Variants in GUCA2B observed in about 807,000 individuals in gnomAD.
GUCA2B encodes the protein guanylate cyclase activator 2B.
Under a neutral mutation model 11.1 loss-of-function variants are expected in GUCA2B, and 7 were observed. That is an observed-to-expected ratio of 0.63 (90% CI 0.36 to 1.18). GUCA2B has a LOEUF of 1.18. GUCA2B is among the 50% of genes most tolerant of loss of function. The pLI is 0.02. For synonymous variants in GUCA2B, 69 were observed against 65.3 expected (o/e 1.06, Z -0.27); for missense variants, 140 against 142.5 (o/e 0.98, Z 0.09).
At position 42,153,471 on chromosome 1, in the gene GUCA2B, A is replaced by C. The variant is rs769646945; in HGVS notation, c.21A>C (p.Ser7=). The C allele has an allele frequency of 1.2e-6, 2 of 1,612,092 alleles. No homozygotes were observed. Among genetic ancestry groups the C allele is most frequent in the South Asian group, 1.1e-5 (1 of 91,060 alleles). The change falls in exon 1 of 3, where the codon TCA becomes TCC. Residue 7 remains serine (S), a synonymous_variant. Coordinates refer to ENST00000372581, the MANE Select transcript of GUCA2B (RefSeq NM_007102.3). ...GCGCGATGGGCTGCAGGGCTGCATC[A>C]GGGCTCCTGCCAGGAGTGGCCGTGG... MGCRAA[S]GLLPGVAVVL...
At chr1:42,153,605 G>A in intron 1 of GUCA2B, 65 bp downstream of exon 1, 1 of 1,184,814 alleles carries the variant, frequency 8.4e-7, no homozygotes, top group Non-Finnish European at 1.2e-6. Context: ...AGGCTGGAGA[G>A]GGTGTACTGG....
At chr1:42,154,969 G>T in intron 2 of GUCA2B, 103 bp downstream of exon 2, 1 of 883,612 alleles carries the variant, frequency 1.1e-6, no homozygotes. Flanking sequence ...TGAGGATGGG[G>T]AGATTCAAGT....
chr1:42,153,563 C>T, intron 1 of GUCA2B, 23 bp downstream of exon 1: 1 of 1,551,756 alleles, frequency 6.4e-7, no homozygotes, highest in Non-Finnish European at 8.9e-7. Context: ...GCCAGCGTTC[C>T]CTTTGCCTGA....
rs182890777 is a variant in GUCA2B, at chr1:42,155,672, G to A, written c.*76G>A. The stretch of plus-strand genomic sequence containing the variant: ...ACCACCCTGGCAGGCTTCCATCCCC[G>A]TCCATGCTCAAGATGGGTCCCTGGC... On this transcript the variant is annotated 3_prime_UTR_variant, in exon 3 of 3. Coordinates refer to ENST00000372581, the MANE Select transcript of GUCA2B (RefSeq NM_007102.3). The A allele has an allele frequency of 6.5e-5, 74 of 1,142,334 alleles. No individual in the cohort carries two copies. Among genetic ancestry groups the A allele is most frequent in the Admixed American group, 5.1e-4 (30 of 59,324 alleles). The allele number at this position is 1,142,334 out of a possible 1,614,324, so 70.8% of individuals were successfully genotyped here. A position where few individuals can be genotyped will look rare whatever the true frequency, so the allele number is the denominator to read the frequency against.
chr1:42,154,216 G>A (rs1228493076), intron 1 of GUCA2B, among the ~76,000 whole-genome samples: 1 of 152,172 alleles, frequency 6.6e-6, no homozygotes, highest in African/African-American at 2.4e-5. Flanking sequence ...GTCTCCTTGG[G>A]AAGAACAAAG....
Position 42,155,528 on chromosome 1 carries a change from T to C in GUCA2B, c.278-7T>C. The C allele has an allele frequency of 6.2e-7, 1 of 1,613,282 alleles. No individual in the cohort carries two copies. The highest frequency in any genetic ancestry group is 1.1e-5 in the South Asian group (1 of 91,068). ...CAGGTCAACTGACCAGTTCTCTCCC[T>C]GCCCAGGGACCATCGCTAACGACGA... On this transcript the variant is annotated splice_region_variant and splice_polypyrimidine_tract_variant and intron_variant, in intron 2 of 2. Coordinates refer to ENST00000372581, the MANE Select transcript of GUCA2B (RefSeq NM_007102.3).
At chr1:42,154,530 G>A (rs1449885730) in intron 1 of GUCA2B, 150 bp from the exon 2 acceptor site, 2 of 671,310 alleles carry the variant, frequency 3.0e-6, no homozygotes, top group African/African-American at 3.6e-5. Flanking sequence ...TCTCACCGCA[G>A]CGGCTCTTTC....
rs746452462 is a variant in GUCA2B, at chr1:42,154,740, T to C, written c.151T>C (p.Trp51Arg). The C allele has an allele frequency of 6.1e-5, 98 of 1,613,906 alleles. No homozygotes were observed. The highest frequency in any genetic ancestry group is 8.3e-5 in the Non-Finnish European group (98 of 1,179,892). The change falls in exon 2 of 3, where the codon TGG becomes CGG. Residue 51 changes from tryptophan (W) to arginine (R), a missense_variant. Coordinates refer to ENST00000372581, the MANE Select transcript of GUCA2B (RefSeq NM_007102.3). Reference sequence around the variant, plus strand: ...GAAGCTGAGTGACCTGGAGGCACAGTGGGCACCCAGCCCCCGCCTGCAGGC... The same window carrying C: ...GAAGCTGAGTGACCTGGAGGCACAGCGGGCACCCAGCCCCCGCCTGCAGGC... ...MKKLSDLEAQ[W>R]APSPRLQAQS...
chr1:42,155,366 C>T (rs552369074), intron 2 of GUCA2B, among the ~76,000 whole-genome samples, 169 bp from the exon 3 acceptor site: 1 of 152,156 alleles, frequency 6.6e-6, no homozygotes, highest in Admixed American at 6.5e-5. Context: ...GCCCAGTGGC[C>T]GCTAGGAAGG....
intron 2 of GUCA2B, among the ~76,000 whole-genome samples, 194 bp downstream of exon 2, chr1:42,155,060 C>A (rs574535804): frequency 3.8e-4 from 58 of 152,198 alleles, no homozygotes; most frequent in Non-Finnish European, 7.8e-4. Context: ...CCTGCTTCGT[C>A]CCCTTAGTCC....
Position 42,155,627 on chromosome 1 carries a change from G to T in GUCA2B, c.*31G>T, listed in dbSNP as rs1379667311. The T allele has an allele frequency of 6.4e-7, 1 of 1,561,230 alleles. No individual in the cohort carries two copies. The highest frequency in any genetic ancestry group is 1.7e-5 in the Admixed American group (1 of 59,978). ...CCCTGGGTACCCTGAGCCCACCAGG[G>T]ACACCTCGCCCTTCAGCCCACCACC... is the stretch of plus-strand genomic sequence containing the variant. On this transcript the variant is annotated 3_prime_UTR_variant, in exon 3 of 3. Coordinates refer to ENST00000372581, the MANE Select transcript of GUCA2B (RefSeq NM_007102.3).
In GUCA2B at chr1:42,155,634, C is replaced by A; in HGVS notation, c.*38C>A. 1.3e-6 allele frequency: 2 copies of A among 1,493,190 alleles called. No homozygotes were observed. Among genetic ancestry groups the A allele is most frequent in the Non-Finnish European group, 1.9e-6 (2 of 1,069,426 alleles). The allele number at this position is 1,493,190 out of a possible 1,614,324, so 92.5% of individuals were successfully genotyped here. A position where few individuals can be genotyped will look rare whatever the true frequency, so the allele number is the denominator to read the frequency against. On this transcript the variant is annotated 3_prime_UTR_variant, in exon 3 of 3. Coordinates refer to ENST00000372581, the MANE Select transcript of GUCA2B (RefSeq NM_007102.3). Reference sequence around the variant, plus strand: ...TACCCTGAGCCCACCAGGGACACCTCGCCCTTCAGCCCACCACCCTGGCAG... The same window carrying A: ...TACCCTGAGCCCACCAGGGACACCTAGCCCTTCAGCCCACCACCCTGGCAG...
intron 1 of GUCA2B, 25 bp downstream of exon 1, chr1:42,153,565 T>G: frequency 6.5e-7 from 1 of 1,541,408 alleles, no homozygotes; most frequent in Non-Finnish European, 9.0e-7. Context: ...CAGCGTTCCC[T>G]TTGCCTGAAG....
rs374950664 is a variant in GUCA2B, at chr1:42,153,417, G to C, written c.-34G>C. On this transcript the variant is annotated 5_prime_UTR_variant, in exon 1 of 3. Transcript: ENST00000372581. ...CTAGGCAGGGACACAGATGGGAGAC[G>C]GTGGACAGCGGCAGGGGGAACCCAG... The C allele has an allele frequency of 9.4e-6, 14 of 1,490,572 alleles. No homozygotes were observed. In the Admixed American group the frequency reaches 2.0e-4, roughly 21 times the overall value. The allele number at this position is 1,490,572 out of a possible 1,614,324, so 92.3% of individuals were successfully genotyped here.
intron 1 of GUCA2B, 140 bp downstream of exon 1, chr1:42,153,680 G>C: frequency 1.6e-6 from 1 of 626,474 alleles, no homozygotes; most frequent in Non-Finnish European, 2.8e-6. Flanking sequence ...TCACAGCCCA[G>C]AGACCAAGGC....
Position 42,155,578 on chromosome 1 carries a change from G to T in GUCA2B, c.321G>T (p.Ala107=). 1 of 1,613,932 alleles carries T rather than the reference G, an allele frequency of 6.2e-7. No homozygotes were observed. Among genetic ancestry groups the T allele is most frequent in the African/African-American group, 1.3e-5 (1 of 75,038 alleles). Reference sequence around the variant, plus strand: ...ACTGTGAGCTGTGTGTGAACGTTGCGTGTACCGGCTGCCTCTGAGATAGCC... The same window carrying T: ...ACTGTGAGCTGTGTGTGAACGTTGCTTGTACCGGCTGCCTCTGAGATAGCC... The part of the protein sequence containing the change: ...NDDCELCVNV[A]CTGCL Residue 107 remains alanine (A), a synonymous_variant, in exon 3 of 3, where the codon GCG becomes GCT. Coordinates refer to ENST00000372581, the MANE Select transcript of GUCA2B (RefSeq NM_007102.3).
rs538631184 is a variant in GUCA2B at position 42,155,708 on chromosome 1, A to G, written c.*112A>G. ...AGATGGGTCCCTGGCCACCATGGTC[A>G]TCACCACCCTTCCAGGGCCTGAGCA... On this transcript the variant is annotated 3_prime_UTR_variant, in exon 3 of 3. Transcript: ENST00000372581. 7.2e-6 allele frequency: 6 copies of G among 832,978 alleles called. No homozygotes were observed. The Admixed American group carries it at 1.1e-4, about 15-fold the overall frequency. 51.6% of individuals were successfully genotyped at this position (832,978 alleles called of 1,614,324 possible).
chr1:42,154,805 G>A lies in GUCA2B; in HGVS notation c.216G>A (p.Leu72=). ...CCGCCGTGTGCCACCACCCTGCTCT[G>A]CCTCAGGACCTTCAGCCTGTCTGCG... The part of the protein sequence containing the change: ...LLPAVCHHPA[L]PQDLQPVCAS... The change falls in exon 2 of 3, where the codon CTG becomes CTA. Residue 72 remains leucine (L), a synonymous_variant. Coordinates refer to ENST00000372581, the MANE Select transcript of GUCA2B (RefSeq NM_007102.3). 2.5e-6 allele frequency: 4 copies of A among 1,614,108 alleles called. No individual in the cohort carries two copies. The highest frequency in any genetic ancestry group is 1.3e-5 in the African/African-American group (1 of 75,070).
At chr1:42,153,694 T>C (rs1431139701) in intron 1 of GUCA2B, among the ~76,000 whole-genome samples, 154 bp downstream of exon 1, 1 of 152,162 alleles carries the variant, frequency 6.6e-6, no homozygotes, top group Non-Finnish European at 1.5e-5. Flanking sequence ...CCAAGGCAGC[T>C]GGTGGGTGGG....
Sources: gnomAD v4.1 joint callset for allele counts (sites outside exome capture counted in the v4.1 genomes callset) on GRCh38, gnomAD v4.1.1 for gene constraint, MANE v1.5 for transcripts, NCBI Gene and HGNC (gene_info 2026-07-23, HGNC 2026-07-21) for gene names.